KRT86: variants seen among roughly 807,000 people sequenced by gnomAD.
The protein encoded by KRT86 is keratin 86, also known as keratin, type II cuticular Hb6.
KRT86 carries 30 observed loss-of-function variants against 41.2 expected under a neutral mutation model. That is an observed-to-expected ratio of 0.73 (90% CI 0.54 to 0.99). The LOEUF (loss-of-function observed/expected upper bound fraction) is 0.99. KRT86 is among the 50% of genes least tolerant of loss of function. The probability of loss-of-function intolerance (pLI) is 0.00; values close to 1 mark genes in which losing one functional copy is unlikely to be tolerated. For synonymous variants in KRT86, 238 were observed against 238.1 expected (o/e 1.00, Z 0.00); for missense variants, 561 against 571.4 (o/e 0.98, Z 0.19).
chr12:52,288,935 C>A (rs1459391408), intron 2 of KRT86, among the ~76,000 whole-genome samples: 37 of 146,432 alleles, frequency 2.5e-4, no homozygotes, highest in Middle Eastern at 6.9e-3. Flanking sequence ...GCTCCAGGGG[C>A]CTCAGCAATA....
rs1565750126 is a variant in KRT86, at chr12:52,305,766, AGGT to A, written c.1007_1009del (p.Val336del). On this transcript the variant is annotated inframe_deletion, in exon 8 of 11. Transcript: ENST00000423955. Reference sequence around the variant, plus strand: ...CGCATGATCCAGAGGCTGACGGCTGAGGTGGAGAATGCCAAGTGCCAGGTATGG... The same window carrying A: ...CGCATGATCCAGAGGCTGACGGCTGAGGAGAATGCCAAGTGCCAGGTATGG... 1 of 1,613,870 alleles carries A rather than the reference AGGT, an allele frequency of 6.2e-7. No individual in the cohort carries two copies. Among genetic ancestry groups the A allele is most frequent in the Non-Finnish European group, 8.5e-7 (1 of 1,179,872 alleles).
Position 52,308,517 on chromosome 12 carries a change from G to C in KRT86, c.1393G>C (p.Gly465Arg), listed in dbSNP as rs560668616. The C allele has an allele frequency of 3.1e-6, 5 of 1,605,688 alleles. No individual in the cohort carries two copies. The South Asian group carries it at 4.4e-5, about 14-fold the overall frequency. Residue 465 changes from glycine to arginine, a missense_variant, in exon 11 of 11, where the codon GGC becomes CGC. Gly to Arg is a moderately radical substitution (Grantham distance 125). Transcript: ENST00000423955. ...SVPSNSNVVVGTTNACAPSAR... is the reference protein window; with the variant it reads ...SVPSNSNVVVRTTNACAPSAR... ...CCCCAGCAACAGCAACGTGGTGGTGGGCACTACTAACGCCTGCGCCCCCTC... is the reference window on the plus strand; with the variant it reads ...CCCCAGCAACAGCAACGTGGTGGTGCGCACTACTAACGCCTGCGCCCCCTC...
chr12:52,284,037 A>G (rs565442464), intron 2 of KRT86, among the ~76,000 whole-genome samples: 2 of 152,152 alleles, frequency 1.3e-5, no homozygotes, highest in African/African-American at 4.8e-5. Context: ...GAAATACGGC[A>G]GGTCACTAAG....
chr12:52,293,240 T>C (rs1038974593), intron 2 of KRT86, among the ~76,000 whole-genome samples: 1 of 152,246 alleles, frequency 6.6e-6, no homozygotes, highest in African/African-American at 2.4e-5. Context: ...CATCATTATA[T>C]ATCGTAAATG....
At chr12:52,288,110 G>A (rs1322586760) in intron 2 of KRT86, 14 of 1,614,010 alleles carry the variant, frequency 8.7e-6, no homozygotes, top group South Asian at 2.2e-5. Context: ...TGACAACCAC[G>A]GAGGTGTCTG....
intron 2 of KRT86, among the ~76,000 whole-genome samples, chr12:52,282,841 C>T (rs1592418004): frequency 6.6e-6 from 1 of 152,236 alleles, no homozygotes; most frequent in African/African-American, 2.4e-5. Flanking sequence ...CCTTTTTCAG[C>T]ACATAGATGC....
chr12:52,294,836 C>G (rs1164021441), intron 2 of KRT86, among the ~76,000 whole-genome samples: 1 of 152,146 alleles, frequency 6.6e-6, no homozygotes, highest in Non-Finnish European at 1.5e-5. Context: ...CTTGCAATGA[C>G]ATATTGTTTC....
At position 52,302,009 on chromosome 12, in the gene KRT86, C is replaced by G. The variant is rs768727542; in HGVS notation, c.93C>G (p.Pro31=). 1.2e-6 allele frequency: 2 copies of G among 1,612,256 alleles called. No homozygotes were observed. Among genetic ancestry groups the G allele is most frequent in the Non-Finnish European group, 1.7e-6 (2 of 1,179,154 alleles). ...RPGRCCITAA[P]YRGISCYRGL... ...GCCGCTGCTGCATCACCGCCGCCCCCTACCGTGGCATCTCCTGCTACCGCG... is the reference window on the plus strand; with the variant it reads ...GCCGCTGCTGCATCACCGCCGCCCCGTACCGTGGCATCTCCTGCTACCGCG... The change falls in exon 3 of 11, where the codon CCC becomes CCG. Residue 31 remains proline, a synonymous_variant. Transcript: ENST00000423955.
At chr12:52,282,324 C>T in intron 2 of KRT86, among the ~76,000 whole-genome samples, 1 of 151,846 alleles carries the variant, frequency 6.6e-6, no homozygotes, top group East Asian at 1.9e-4. Context: ...GCTCCGCCTC[C>T]CGGGTTCACA....
intron 7 of KRT86, 127 bp downstream of exon 7, chr12:52,305,531 G>T (rs1351368859): frequency 2.5e-6 from 4 of 1,597,554 alleles, no homozygotes; most frequent in Non-Finnish European, 3.4e-6. Flanking sequence ...CTCTGATGTT[G>T]GGGTGGTAGG....
intron 2 of KRT86, among the ~76,000 whole-genome samples, chr12:52,296,092 G>C (rs1938242999): frequency 6.6e-6 from 1 of 152,192 alleles, no homozygotes; most frequent in Non-Finnish European, 1.5e-5. Context: ...GAGAAGGAAA[G>C]AGAGAAGCAA....
At chr12:52,281,878 A>G (rs1336910320) in intron 2 of KRT86, among the ~76,000 whole-genome samples, 1 of 152,124 alleles carries the variant, frequency 6.6e-6, no homozygotes, top group Non-Finnish European at 1.5e-5. Context: ...AGCTGGGACT[A>G]CAGGCACATG....
intron 9 of KRT86, 37 bp downstream of exon 9, chr12:52,306,317 C>G (rs777348717): frequency 2.5e-6 from 4 of 1,612,560 alleles, no homozygotes; most frequent in Non-Finnish European, 2.5e-6. Flanking sequence ...CCAGCCCTGC[C>G]AGGGTTCTCA....
At chr12:52,306,925 A>G (rs532001901) in intron 9 of KRT86, 11 of 158,234 alleles carry the variant, frequency 7.0e-5, no homozygotes, top group African/African-American at 2.4e-4. Flanking sequence ...GAGGCCAGCG[A>G]TACAGCTGGA....
At position 52,279,960 on chromosome 12, in the gene KRT86, T is replaced by C. The variant is rs1016202602; in HGVS notation, c.-5+4014T>C. ...AGGTTCTGGGTAGGGAGGTGGGCCA[T>C]AGACGAGGAAACCGAGCAGAAACAG... is the stretch of plus-strand genomic sequence containing the variant. On this transcript the variant is annotated intron_variant, in intron 2 of 10. Transcript: ENST00000423955. 2.6e-5 allele frequency among the ~76,000 whole-genome samples: 4 copies of C among 152,128 alleles called. 1 individual carries two copies. The highest frequency in any genetic ancestry group is 4.8e-5 in the African/African-American group (2 of 41,416).
rs1426112988 is a variant in KRT86, at chr12:52,305,656, C to T, written c.901-7C>T. ...CTGAACCTCATGAGCATCTCTACTT[C>T]CCCCAGTGTGAGGAGATGAAGGCCA... On this transcript the variant is annotated splice_region_variant and splice_polypyrimidine_tract_variant and intron_variant, in intron 7 of 10. Transcript: ENST00000423955. 1 of 1,614,052 alleles carries T rather than the reference C, an allele frequency of 6.2e-7. No homozygotes were observed. Among genetic ancestry groups the T allele is most frequent in the Admixed American group, 1.7e-5 (1 of 60,024 alleles).
intron 2 of KRT86, among the ~76,000 whole-genome samples, chr12:52,294,256 C>A (rs1307466497): frequency 6.6e-6 from 1 of 152,212 alleles, no homozygotes; most frequent in Non-Finnish European, 1.5e-5. Context: ...CCACACTTCA[C>A]CTTTTCTACC....
intron 2 of KRT86, among the ~76,000 whole-genome samples, chr12:52,295,523 A>G (rs965919487): frequency 6.6e-6 from 1 of 152,204 alleles, no homozygotes; most frequent in South Asian, 2.1e-4. Flanking sequence ...ACAAACACTC[A>G]TCTTGCCCCA....
At position 52,302,222 on chromosome 12, in the gene KRT86, G is replaced by T; in HGVS notation, c.306G>T (p.Val102=). ...AGATCGACCCCAACGCGCAGTGCGT[G>T]AAGCAGGAGGAGAAGGAGCAGATCA... ...NLEIDPNAQC[V]KQEEKEQIKS... is the part of the protein sequence containing the mutation. The change falls in exon 3 of 11, where the codon GTG becomes GTT. Residue 102 remains valine (V), a synonymous_variant. Transcript: ENST00000423955. 14 of 1,107,482 alleles carry T rather than the reference G, an allele frequency of 1.3e-5. No homozygotes were observed. The highest frequency in any genetic ancestry group is 1.8e-5 in the Non-Finnish European group (14 of 791,852). 68.6% of individuals were successfully genotyped at this position (1,107,482 alleles called of 1,614,324 possible).
Sources: gnomAD v4.1 joint callset for allele counts (sites outside exome capture counted in the v4.1 genomes callset) on GRCh38, gnomAD v4.1.1 for gene constraint, MANE v1.5 for transcripts, NCBI Gene and HGNC (gene_info 2026-07-23, HGNC 2026-07-21) for gene names.